Variants in KLHL29 observed in about 807,000 individuals in gnomAD.
KLHL29 encodes kelch-like protein 29.
In KLHL29, 21 loss-of-function variants were observed where a neutral mutation model predicts 80.4. The ratio of observed to expected loss-of-function variants is 0.26; its 90% CI spans 0.19 to 0.38. The LOEUF (loss-of-function observed/expected upper bound fraction) is 0.38, where lower values mean the gene tolerates loss of function less well. Among genes scored for constraint, KLHL29 ranks in the 10% least tolerant of loss-of-function variants. The pLI is 1.00. For synonymous variants in KLHL29, 511 were observed against 526.8 expected (o/e 0.97, Z 0.41); for missense variants, 867 against 1,223.9 (o/e 0.71, Z 4.35).
chr2:23,492,463 A>G (rs1376638652), intron 2 of KLHL29, among the ~76,000 whole-genome samples: 1 of 152,138 alleles, frequency 6.6e-6, no homozygotes, highest in African/African-American at 2.4e-5. Context: ...CCCACCCTCC[A>G]GCCTCAGCTT....
rs373049592 is a variant in KLHL29 at position 23,550,334 on chromosome 2, T to C, written c.-45-11818T>C. Among the ~76,000 whole-genome samples the C allele has an allele frequency of 6.4e-4, 98 of 152,190 alleles. No individual in the cohort carries two copies. In the South Asian group the frequency reaches 0.02, roughly 31 times the overall value. ...CCAGAACAGGAAGTGGGCTACGTCA[T>C]GGTTTCCTGGGGAGGGATTTGGACA... On this transcript the variant is annotated intron_variant, in intron 2 of 13. Transcript: ENST00000486442.
rs541026142 is a variant in KLHL29 at position 23,601,254 on chromosome 2, G to A, written c.286-37885G>A. ...CAGGACCATTGAGGGGGCCCGGCAA[G>A]TCGGGGTACAAGATTTGCTCAGCCG... On this transcript the variant is annotated intron_variant, in intron 3 of 13. Coordinates refer to ENST00000486442, the MANE Select transcript of KLHL29 (RefSeq NM_052920.2). 2.0e-5 allele frequency among the ~76,000 whole-genome samples: 3 copies of A among 152,324 alleles called. No individual in the cohort carries two copies. In the South Asian group the frequency reaches 6.2e-4, roughly 32 times the overall value.
chr2:23,692,579 C>G (rs1340841755), intron 7 of KLHL29, among the ~76,000 whole-genome samples: 2 of 152,174 alleles, frequency 1.3e-5, no homozygotes, highest in African/African-American at 4.8e-5. Context: ...TCTCGAGGTG[C>G]CAGGAACCAC....
chr2:23,443,605 C>T (rs760209036), intron 1 of KLHL29, among the ~76,000 whole-genome samples: 1 of 152,174 alleles, frequency 6.6e-6, no homozygotes, highest in Non-Finnish European at 1.5e-5. Context: ...CTAACTTATT[C>T]TTCTATCCCC....
intron 5 of KLHL29, among the ~76,000 whole-genome samples, chr2:23,660,410 C>T (rs1293828493): frequency 1.3e-5 from 2 of 152,142 alleles, no homozygotes; most frequent in African/African-American, 4.8e-5. Context: ...TATCAGGGTT[C>T]CCAGCCACCA....
chr2:23,483,318 A>G (rs1191266982), intron 2 of KLHL29, among the ~76,000 whole-genome samples: 1 of 152,240 alleles, frequency 6.6e-6, no homozygotes, highest in Non-Finnish European at 1.5e-5. Context: ...ACACTAGGCA[A>G]TGGGAACAGC....
chr2:23,520,917 G>C (rs1352589335), intron 2 of KLHL29, among the ~76,000 whole-genome samples: 1 of 151,954 alleles, frequency 6.6e-6, no homozygotes, highest in East Asian at 1.9e-4. Context: ...CCCGAGTTCA[G>C]GATGCATAGT....
chr2:23,544,471 G>C (rs1040014631), intron 2 of KLHL29, among the ~76,000 whole-genome samples: 12 of 152,208 alleles, frequency 7.9e-5, no homozygotes, highest in African/African-American at 2.7e-4. Context: ...CATCGGAACA[G>C]CTGCCTCACA....
intron 3 of KLHL29, among the ~76,000 whole-genome samples, chr2:23,619,436 C>T (rs1169334682): frequency 4.6e-5 from 7 of 152,096 alleles, no homozygotes; most frequent in Admixed American, 6.6e-5. Context: ...GAAATGAGTC[C>T]ACTCATGGAG....
chr2:23,534,693 G>A (rs1336811405), intron 2 of KLHL29, among the ~76,000 whole-genome samples: 1 of 152,192 alleles, frequency 6.6e-6, no homozygotes, highest in East Asian at 1.9e-4. Flanking sequence ...TAGAGTGGAT[G>A]TGTTTTGAGT....
intron 3 of KLHL29, chr2:23,616,409 T>C (rs970446274): frequency 2.0e-5 from 3 of 152,078 alleles, no homozygotes; most frequent in Non-Finnish European, 4.4e-5. Context: ...CACACGGCAA[T>C]GTAAGTTAAA....
intron 13 of KLHL29, among the ~76,000 whole-genome samples, chr2:23,706,139 G>C (rs1349833426): frequency 6.6e-6 from 1 of 152,250 alleles, no homozygotes; most frequent in Non-Finnish European, 1.5e-5. Context: ...TAGGAAGGCT[G>C]CGTGTGCCAC....
intron 2 of KLHL29, among the ~76,000 whole-genome samples, chr2:23,485,496 C>T (rs1339977359): frequency 6.6e-6 from 1 of 152,222 alleles, no homozygotes; most frequent in Non-Finnish European, 1.5e-5. Context: ...CATGGTGCAC[C>T]CAGCCAGAGC....
At chr2:23,512,319 C>CCTGTA (rs1253201668) in intron 2 of KLHL29, among the ~76,000 whole-genome samples, 2 of 151,990 alleles carry the variant, frequency 1.3e-5, no homozygotes, top group Non-Finnish European at 2.9e-5. Context: ...GTGGCATATC[C>CCTGTA]CTGTAATCCC....
chr2:23,595,105 T>C (rs548224267), intron 3 of KLHL29, among the ~76,000 whole-genome samples: 2 of 152,162 alleles, frequency 1.3e-5, no homozygotes, highest in Non-Finnish European at 2.9e-5. Context: ...CTCTGTCCAT[T>C]TCTGGAGGAT....
chr2:23,513,627 G>C (rs143440824), intron 2 of KLHL29, among the ~76,000 whole-genome samples: 114 of 152,330 alleles, frequency 7.5e-4, no homozygotes, highest in South Asian at 4.1e-3. Context: ...CGCTTGACGT[G>C]ATAATCCAAA....
At chr2:23,403,761 G>GTGTA (rs1553318974) in intron 1 of KLHL29, among the ~76,000 whole-genome samples, 4 of 151,410 alleles carry the variant, frequency 2.6e-5, no homozygotes, top group Admixed American at 2.6e-4. Context: ...GTGTGTGTGT[G>GTGTA]TGTGCAGGCG....
At chr2:23,403,001 C>T (rs1213542566) in intron 1 of KLHL29, among the ~76,000 whole-genome samples, 7 of 150,180 alleles carry the variant, frequency 4.7e-5, no homozygotes, top group South Asian at 2.1e-4. Context: ...TCACTGTAGA[C>T]GTACTATACT....
At chr2:23,642,915 A>C in intron 5 of KLHL29, 65 bp downstream of exon 5, 3 of 1,526,560 alleles carry the variant, frequency 2.0e-6, no homozygotes, top group Non-Finnish European at 8.9e-7. Flanking sequence ...CGGTCACTGC[A>C]ACACCACCGG....
Sources: gnomAD v4.1 joint callset for allele counts (sites outside exome capture counted in the v4.1 genomes callset) on GRCh38, gnomAD v4.1.1 for gene constraint, MANE v1.5 for transcripts, NCBI Gene and HGNC (gene_info 2026-07-23, HGNC 2026-07-21) for gene names.